The following CEP162 variants were observed in gnomAD, a reference collection of about 807,000 sequenced individuals.
CEP162 encodes the protein centrosomal protein of 162 kDa.
A neutral mutation model predicts 169.2 loss-of-function variants in CEP162; 141 were observed. That is an observed-to-expected ratio of 0.83 (90% CI 0.73 to 0.96). The LOEUF is 0.96. Ranked by LOEUF, CEP162 falls within the 40% of genes least tolerant of loss-of-function variation. The pLI, the probability that CEP162 is intolerant of heterozygous loss-of-function variation, is 0.00. For synonymous variants in CEP162, 540 were observed against 526.4 expected (o/e 1.03, Z -0.35); for missense variants, 1,600 against 1,587.2 (o/e 1.01, Z -0.14).
intron 26 of CEP162, 90 bp downstream of exon 26, chr6:84,126,288 T>C: frequency 1.2e-6 from 1 of 866,530 alleles, no homozygotes; most frequent in South Asian, 3.2e-5. Flanking sequence ...CTTTAAGTGG[T>C]AATTTTTGCT....
At chr6:84,185,489 C>T in intron 12 of CEP162, 41 bp from the exon 13 acceptor site, 1 of 1,511,880 alleles carries the variant, frequency 6.6e-7, no homozygotes, top group Non-Finnish European at 9.0e-7. Context: ...CCTAAATAAA[C>T]TTTAACTATT....
chr6:84,159,073 C>T (rs1260240826), intron 21 of CEP162, among the ~76,000 whole-genome samples: 2 of 150,914 alleles, frequency 1.3e-5, no homozygotes, highest in African/African-American at 2.4e-5. Flanking sequence ...TATAATTAGT[C>T]TATTTAAGAA....
chr6:84,222,041 C>T (rs2099553921), intron 2 of CEP162, among the ~76,000 whole-genome samples: 1 of 151,618 alleles, frequency 6.6e-6, no homozygotes, highest in Non-Finnish European at 1.5e-5. Context: ...AATGAGCATT[C>T]TACTCAACTT....
At chr6:84,134,647 T>C (rs761744766) in intron 25 of CEP162, among the ~76,000 whole-genome samples, 12 of 152,150 alleles carry the variant, frequency 7.9e-5, no homozygotes, top group Admixed American at 2.6e-4. Context: ...GGCCCCACCC[T>C]GCCTTGGCTC....
Position 84,195,079 on chromosome 6 carries a change from T to C in CEP162, c.836-4A>G, listed in dbSNP as rs2099541549. 6.4e-7 allele frequency: 1 copy of C among 1,559,146 alleles called. No individual in the cohort carries two copies. Among genetic ancestry groups the C allele is most frequent in the Non-Finnish European group, 8.7e-7 (1 of 1,156,062 alleles). The stretch of plus-strand genomic sequence containing the variant: ...CTGCTTTGTCCATAAGAAACACCTG[T>C]TGAAATAAACGTAATCACCAGAAAT... On this transcript the variant is annotated splice_polypyrimidine_tract_variant and splice_region_variant and intron_variant, in intron 9 of 26. Transcript: ENST00000403245.
Position 84,125,119 on chromosome 6 carries a change from A to G in CEP162, c.4163T>C (p.Val1388Ala). 6.2e-7 allele frequency: 1 copy of G among 1,612,990 alleles called. No homozygotes were observed. Among genetic ancestry groups the G allele is most frequent in the African/African-American group, 1.3e-5 (1 of 74,842 alleles). ...DVLRELHRQG[V>A]VVPVAFADEM... is the part of the protein sequence containing the mutation. ...ATCTGCAAAAGCAACTGGCACAACC[A>G]CTCCTTGCCGGTGCAGCTCTCGGAG... Residue 1388 changes from valine to alanine, a missense_variant, in exon 27 of 27, where the codon GTG (valine) becomes GCG (alanine). By Grantham distance (64) the Val-to-Ala change is moderately conservative. Transcript: ENST00000403245.
chr6:84,152,204 G>C (rs1588737353), intron 23 of CEP162, among the ~76,000 whole-genome samples: 1 of 152,192 alleles, frequency 6.6e-6, no homozygotes, highest in Admixed American at 6.5e-5. Context: ...AAAGCAATCT[G>C]TCTATAGCAA....
Position 84,124,894 on chromosome 6 carries a change from C to G in CEP162, c.*176G>C. ...GTTAATGATTTTTAGTAAAATACAC[C>G]ATTATATGTTTTTTTTCTTATTGGT... On this transcript the variant is annotated 3_prime_UTR_variant, in exon 27 of 27. Coordinates refer to ENST00000403245, the MANE Select transcript of CEP162 (RefSeq NM_014895.4). 1 of 618,746 alleles carries G rather than the reference C, an allele frequency of 1.6e-6. No individual in the cohort carries two copies. 38.3% of individuals were successfully genotyped at this position (618,746 alleles called of 1,614,324 possible). A position where few individuals can be genotyped will look rare whatever the true frequency, so the allele number is the denominator to read the frequency against.
intron 2 of CEP162, among the ~76,000 whole-genome samples, chr6:84,225,723 C>T (rs12524136): frequency 0.038 from 5,652 of 146,870 alleles, 138 homozygotes; most frequent in South Asian, 0.093. Context: ...GTGCTAAGTG[C>T]TATAAAAAGA....
chr6:84,125,292 T>C lies in CEP162; in HGVS notation c.4006-16A>G. ...GCTGTATTATCTGCAAATACAAAAA[T>C]TCCACATTGCTGTTATAGTTCATAG... On this transcript the variant is annotated splice_polypyrimidine_tract_variant and intron_variant, in intron 26 of 26. Transcript: ENST00000403245. 1 of 1,607,258 alleles carries C rather than the reference T, an allele frequency of 6.2e-7. No homozygotes were observed. The highest frequency in any genetic ancestry group is 8.5e-7 in the Non-Finnish European group (1 of 1,174,846).
rs753104864 is a variant in CEP162, at chr6:84,169,413, C to T, written c.2300G>A (p.Arg767His). 6.3e-5 allele frequency: 99 copies of T among 1,571,854 alleles called. No individual in the cohort carries two copies. Among genetic ancestry groups the T allele is most frequent in the South Asian group, 9.6e-5 (8 of 83,388 alleles). Residue 767 changes from arginine to histidine, a missense_variant, in exon 18 of 27, where the codon CGT becomes CAT. Physicochemically the swap from Arg to His is conservative, Grantham distance 29 (BLOSUM62 0). Transcript: ENST00000403245. ...ATCTTCAACTACTTGAGACAGAAAA[C>T]GACTTTTGTGCATCTGTTCTCTAAT... Reference protein sequence around the residue: ...ASLKEQMHKSRFLSQVVEDSE... With the variant: ...ASLKEQMHKSHFLSQVVEDSE...
chr6:84,133,121 GT>G (rs2099512319), intron 25 of CEP162, among the ~76,000 whole-genome samples: 2 of 152,146 alleles, frequency 1.3e-5, no homozygotes, highest in South Asian at 4.1e-4. Flanking sequence ...TTTGCTTGAG[GT>G]CCACTCCAGA....
At chr6:84,146,631 T>C in intron 25 of CEP162, 56 bp downstream of exon 25, 1 of 741,150 alleles carries the variant, frequency 1.3e-6, no homozygotes, top group Non-Finnish European at 2.2e-6. Context: ...AATATGAATA[T>C]GATTGAAATG....
rs1162043126 is a variant in CEP162 at position 84,200,940 on chromosome 6, A to G, written c.719-35T>C. On this transcript the variant is annotated intron_variant, in intron 8 of 26. Transcript: ENST00000403245. ...TATAAAAGAAAAATATAAGGAATGT[A>G]GATAAACTCAGTGGTTCTGTTGATC... 8.1e-6 allele frequency: 10 copies of G among 1,229,838 alleles called. No individual in the cohort carries two copies. The Admixed American group carries it at 1.7e-4, about 21-fold the overall frequency. 76.2% of individuals were successfully genotyped at this position (1,229,838 alleles called of 1,614,324 possible). A position where few individuals can be genotyped will look rare whatever the true frequency, so the allele number is the denominator to read the frequency against.
At chr6:84,170,695 G>A (rs939003325) in intron 17 of CEP162, among the ~76,000 whole-genome samples, 11 of 152,124 alleles carry the variant, frequency 7.2e-5, no homozygotes, top group Non-Finnish European at 1.6e-4. Context: ...GTGATTAGGT[G>A]TTTACATAAA....
chr6:84,193,635 G>T lies in CEP162; in HGVS notation c.1083C>A (p.Ile361=). 1 of 1,564,064 alleles carries T rather than the reference G, an allele frequency of 6.4e-7. No individual in the cohort carries two copies. The highest frequency in any genetic ancestry group is 8.7e-7 in the Non-Finnish European group (1 of 1,152,786). Residue 361 remains isoleucine (I), a synonymous_variant, in exon 11 of 27, where the codon ATC becomes ATA. Transcript: ENST00000403245. ...MKPIRIDSFG[I]SGFDLQPVSS... is the part of the protein sequence containing the mutation. The stretch of plus-strand genomic sequence containing the variant: ...TGACAGGTTGTAAATCAAAACCACT[G>T]ATCCCAAAGGAATCTATTCTGATAG...
intron 24 of CEP162, among the ~76,000 whole-genome samples, chr6:84,147,182 C>T (rs1299032917): frequency 4.0e-5 from 6 of 151,894 alleles, no homozygotes; most frequent in Non-Finnish European, 5.9e-5. Flanking sequence ...TAATGTCATA[C>T]GCAGTTAAAT....
chr6:84,197,825 CAAAA>C (rs564556727), intron 9 of CEP162, among the ~76,000 whole-genome samples: 3 of 64,176 alleles, frequency 4.7e-5, no homozygotes, highest in Admixed American at 3.3e-4. Flanking sequence ...TCAAACAAAA[CAAAA>C]AAAAAAAAAA....
chr6:84,136,384 C>A (rs952344187), intron 25 of CEP162, among the ~76,000 whole-genome samples: 1 of 152,158 alleles, frequency 6.6e-6, no homozygotes, highest in African/African-American at 2.4e-5. Context: ...GAAGGGCAGG[C>A]AGGTGATGAG....
Sources: allele counts gnomAD v4.1 joint callset (sites outside exome capture counted in the v4.1 genomes callset), GRCh38; gene constraint gnomAD v4.1.1; transcripts MANE v1.5; gene names NCBI Gene and HGNC (gene_info 2026-07-23, HGNC 2026-07-21).